CACNA1B: variants seen among roughly 807,000 people sequenced by gnomAD.
CACNA1B encodes calcium voltage-gated channel subunit alpha1 B, also known as voltage-dependent N-type calcium channel subunit alpha-1B.
Under a neutral mutation model 247.2 loss-of-function variants are expected in CACNA1B, and 70 were observed. That is an observed-to-expected ratio of 0.28 (90% CI 0.23 to 0.35). CACNA1B has a LOEUF of 0.35. CACNA1B is among the 10% of genes least tolerant of loss of function. CACNA1B has a pLI of 1.00. For synonymous variants in CACNA1B, 1,231 were observed against 1,294.4 expected, an observed-to-expected ratio of 0.95 and a Z score of 1.05; for missense variants, 2,367 against 3,197.4, an observed-to-expected ratio of 0.74 and a Z score of 6.26.
Position 137,879,444 on chromosome 9 carries a change from A to G in CACNA1B, c.390+285A>G, listed in dbSNP as rs375612446. Among the ~76,000 whole-genome samples, 6 of 152,310 alleles carry G rather than the reference A, an allele frequency of 3.9e-5. No homozygotes were observed. The East Asian group carries it at 7.7e-4, about 20-fold the overall frequency. ...TGGCTGTCCTGGCTTTCGGCGCTAG[A>G]CTTTGATCCAGAAAACCATGTTCTA... is the stretch of plus-strand genomic sequence containing the variant. On this transcript the variant is annotated intron_variant, in intron 2 of 46. Coordinates refer to ENST00000371372, the MANE Select transcript of CACNA1B (RefSeq NM_000718.4).
At chr9:138,067,206 T>G (rs1298512390) in intron 31 of CACNA1B, among the ~76,000 whole-genome samples, 1 of 152,166 alleles carries the variant, frequency 6.6e-6, no homozygotes, top group Non-Finnish European at 1.5e-5. Context: ...GGTTCTTTAT[T>G]AAAGCATTAA....
Position 138,057,968 on chromosome 9 carries a change from C to T in CACNA1B, c.4107-81C>T. On this transcript the variant is annotated intron_variant, in intron 27 of 46. Transcript: ENST00000371372. The surrounding 1 kb of genome is among the most constrained non-coding windows in gnomAD (Gnocchi z 4.0). ...CTGGGCTCAGGCATGGAAGCAGACC[C>T]ACCCTTGTGGTGCAGGTCTTGAGTT... 1 of 1,554,696 alleles carries T rather than the reference C, an allele frequency of 6.4e-7. No homozygotes were observed. The highest frequency in any genetic ancestry group is 8.9e-7 in the Non-Finnish European group (1 of 1,128,970).
intron 3 of CACNA1B, among the ~76,000 whole-genome samples, chr9:137,910,732 A>C (rs572740228): frequency 1.7e-4 from 26 of 152,232 alleles, no homozygotes; most frequent in Admixed American, 9.2e-4. Flanking sequence ...ACCACCGCCG[A>C]TCTGACAGGA....
At chr9:138,118,133 G>T in intron 43 of CACNA1B, 52 bp downstream of exon 43, 1 of 1,127,100 alleles carries the variant, frequency 8.9e-7, no homozygotes, top group Non-Finnish European at 1.2e-6. Flanking sequence ...TGTGAACAGG[G>T]ATGGGGGATG....
intron 36 of CACNA1B, among the ~76,000 whole-genome samples, chr9:138,095,163 T>C (rs1376916882): frequency 6.6e-6 from 1 of 152,208 alleles, no homozygotes; most frequent in Non-Finnish European, 1.5e-5. Context: ...TTATCAAATA[T>C]GTGGAAATAC....
intron 18 of CACNA1B, among the ~76,000 whole-genome samples, chr9:138,013,480 C>T (rs1958752321): frequency 6.6e-6 from 1 of 152,102 alleles, no homozygotes; most frequent in Non-Finnish European, 1.5e-5. Flanking sequence ...ATTGTCTCTG[C>T]TGTGATATTC....
chr9:138,036,356 G>A (rs1383351578), intron 20 of CACNA1B, among the ~76,000 whole-genome samples: 1 of 152,154 alleles, frequency 6.6e-6, no homozygotes, highest in Non-Finnish European at 1.5e-5. Context: ...AGCCAAGATG[G>A]TCTCGATCTC....
chr9:138,009,756 C>T (rs1423189156), intron 16 of CACNA1B, among the ~76,000 whole-genome samples: 6 of 151,988 alleles, frequency 3.9e-5, no homozygotes, highest in Non-Finnish European at 8.8e-5. Context: ...CTCAGGTGGG[C>T]ATTAGGGGAG....
At position 138,059,842 on chromosome 9, in the gene CACNA1B, T is replaced by G. The variant is rs765407577; in HGVS notation, c.4668+105T>G. 3 of 725,960 alleles carry G rather than the reference T, an allele frequency of 4.1e-6. No homozygotes were observed. The highest frequency in any genetic ancestry group is 7.5e-6 in the Non-Finnish European group (3 of 401,916). 45.0% of individuals were successfully genotyped at this position (725,960 alleles called of 1,614,324 possible). A position where few individuals can be genotyped will look rare whatever the true frequency, so the allele number is the denominator to read the frequency against. On this transcript the variant is annotated intron_variant, in intron 31 of 46. Coordinates refer to ENST00000371372, the MANE Select transcript of CACNA1B (RefSeq NM_000718.4). This position sits in a 1 kb window ranked among gnomAD's most constrained non-coding sequence, Gnocchi z 4.2. ...GCCCTGTGTTAGCCTCTTCCTGGGTTCCGCAGAACCCCCTGGACATGTGGA... is the reference window on the plus strand; with the variant it reads ...GCCCTGTGTTAGCCTCTTCCTGGGTGCCGCAGAACCCCCTGGACATGTGGA...
chr9:138,047,125 G>A (rs897020787), intron 22 of CACNA1B, 92 bp downstream of exon 22: 1 of 1,224,698 alleles, frequency 8.2e-7, no homozygotes, highest in Non-Finnish European at 1.1e-6. Context: ...TGGGGCTGAG[G>A]TCCTGTCGTC....
At chr9:138,095,500 T>C (rs1473024024) in intron 36 of CACNA1B, among the ~76,000 whole-genome samples, 1 of 152,164 alleles carries the variant, frequency 6.6e-6, no homozygotes, top group Non-Finnish European at 1.5e-5. Context: ...AAGGAGGAAC[T>C]GTTGTACATT....
At chr9:137,935,694 G>T (rs1450093457) in intron 6 of CACNA1B, among the ~76,000 whole-genome samples, 1 of 152,134 alleles carries the variant, frequency 6.6e-6, no homozygotes, top group Non-Finnish European at 1.5e-5. Context: ...TTCCACAATG[G>T]TTGAACTAGT....
In CACNA1B at chr9:138,051,295, T is replaced by G. The variant is rs1269824819; in HGVS notation, c.3711-797T>G. The stretch of plus-strand genomic sequence containing the variant: ...GCCTGGGTCTGTCCTGGCTTTTTCT[T>G]GGAGGGGCCCTGATTGAGGCCCTCT... On this transcript the variant is annotated intron_variant, in intron 24 of 46. Coordinates refer to ENST00000371372, the MANE Select transcript of CACNA1B (RefSeq NM_000718.4). This position sits in a 1 kb window ranked among gnomAD's most constrained non-coding sequence, Gnocchi z 4.3. Among the ~76,000 whole-genome samples the G allele has an allele frequency of 6.6e-6, 1 of 152,066 alleles. No homozygotes were observed. The highest frequency in any genetic ancestry group is 2.0e-4 in the East Asian group (1 of 5,110).
intron 20 of CACNA1B, among the ~76,000 whole-genome samples, chr9:138,039,352 A>G (rs1959088155): frequency 6.6e-6 from 1 of 151,592 alleles, no homozygotes; most frequent in Admixed American, 6.6e-5. Flanking sequence ...TACCTTGCTT[A>G]TTCTGTTTTT....
chr9:138,093,120 G>T (rs1175622135), intron 36 of CACNA1B, among the ~76,000 whole-genome samples: 1 of 152,020 alleles, frequency 6.6e-6, no homozygotes. Flanking sequence ...AAAAAAGATA[G>T]AAAAAGAAAA....
chr9:138,110,862 C>T (rs1961603330), intron 39 of CACNA1B, among the ~76,000 whole-genome samples: 1 of 151,968 alleles, frequency 6.6e-6, no homozygotes. Flanking sequence ...AGAAAATAAC[C>T]CAACCAAAAC....
chr9:137,976,138 A>G, intron 12 of CACNA1B, 119 bp downstream of exon 12: 1 of 669,554 alleles, frequency 1.5e-6, no homozygotes, highest in Non-Finnish European at 2.6e-6. Context: ...TGGGTCAGAA[A>G]GGCTGCCTGA....
chr9:138,068,552 G>A (rs1319323758), intron 31 of CACNA1B: 1 of 517,300 alleles, frequency 1.9e-6, no homozygotes, highest in Non-Finnish European at 3.9e-6. Flanking sequence ...GTCCCAGTGC[G>A]CTTTCCGAGA....
chr9:137,879,221 A>T (rs981698682), intron 2 of CACNA1B, 62 bp downstream of exon 2: 27 of 1,074,430 alleles, frequency 2.5e-5, no homozygotes, highest in African/African-American at 4.7e-5. Context: ...ACTTTCCTTT[A>T]TGGTCTGTGC....
Sources: allele counts gnomAD v4.1 joint callset (sites outside exome capture counted in the v4.1 genomes callset), GRCh38; gene constraint gnomAD v4.1.1; non-coding constraint Gnocchi (gnomAD v3.1); transcripts MANE v1.5; gene names NCBI Gene and HGNC (gene_info 2026-07-23, HGNC 2026-07-21).